Variants in SPOPL observed in about 807,000 individuals in gnomAD.
SPOPL encodes the protein speckle type BTB/POZ protein like, also known as speckle-type POZ protein-like.
SPOPL carries 23 observed loss-of-function variants against 53.8 expected under a neutral mutation model. The ratio of observed to expected loss-of-function variants is 0.43; its 90% CI spans 0.31 to 0.61. The LOEUF (loss-of-function observed/expected upper bound fraction) is 0.61. Among genes scored for constraint, SPOPL ranks in the 20% least tolerant of loss-of-function variants. The pLI is 0.12. For synonymous variants in SPOPL, 164 were observed against 149.7 expected (o/e 1.10, Z -0.70); for missense variants, 442 against 466.9 (o/e 0.95, Z 0.49).
Position 138,551,615 on chromosome 2 carries a change from G to A in SPOPL, c.352+561G>A, listed in dbSNP as rs186930828. 5.7e-4 allele frequency among the ~76,000 whole-genome samples: 87 copies of A among 152,092 alleles called. 1 individual carries two copies. Among genetic ancestry groups the A allele is most frequent in the Admixed American group, 4.1e-3 (62 of 15,268 alleles). On this transcript the variant is annotated intron_variant, in intron 4 of 10. Transcript: ENST00000280098. Reference sequence around the variant, plus strand: ...TAGAAGAGTGATGTAGGAAATGTACGTTGTGTGTGGCAGGAGAATAATATT... The same window carrying A: ...TAGAAGAGTGATGTAGGAAATGTACATTGTGTGTGGCAGGAGAATAATATT...
At chr2:138,536,555 A>G (rs1684940855) in intron 1 of SPOPL, among the ~76,000 whole-genome samples, 1 of 152,192 alleles carries the variant, frequency 6.6e-6, no homozygotes. Context: ...CTGCAGACTC[A>G]TCAACTTTGG....
chr2:138,517,818 G>C (rs564457529), intron 1 of SPOPL, among the ~76,000 whole-genome samples: 1 of 151,684 alleles, frequency 6.6e-6, no homozygotes, highest in African/African-American at 2.4e-5. Flanking sequence ...AGGCCGAGGC[G>C]GGCGGATCAC....
intron 10 of SPOPL, among the ~76,000 whole-genome samples, chr2:138,567,123 A>G (rs1480781826): frequency 6.6e-6 from 1 of 152,150 alleles, no homozygotes; most frequent in Non-Finnish European, 1.5e-5. Flanking sequence ...CCCTGCCTTC[A>G]CGGAGTTTAT....
At chr2:138,540,143 CTGT>C (rs1356608410) in intron 1 of SPOPL, among the ~76,000 whole-genome samples, 5 of 152,184 alleles carry the variant, frequency 3.3e-5, no homozygotes, top group Admixed American at 3.3e-4. Context: ...GTTTTGGTTA[CTGT>C]AGCCTTGTAA....
intron 1 of SPOPL, among the ~76,000 whole-genome samples, chr2:138,507,573 C>T (rs148772775): frequency 2.0e-5 from 3 of 152,066 alleles, no homozygotes; most frequent in Non-Finnish European, 2.9e-5. Flanking sequence ...GTGGAGAAGA[C>T]GAGTTAAACA....
chr2:138,551,116 G>A, intron 4 of SPOPL, 62 bp downstream of exon 4: 1 of 1,566,782 alleles, frequency 6.4e-7, no homozygotes, highest in Non-Finnish European at 8.7e-7. Context: ...GACTTCTTCT[G>A]CACCTTTACC....
chr2:138,532,420 CTTTTT>C (rs769229731), intron 1 of SPOPL, among the ~76,000 whole-genome samples: 82 of 53,246 alleles, frequency 1.5e-3, no homozygotes, highest in African/African-American at 5.4e-3. Context: ...TTTTTGTTCG[CTTTTT>C]TTTTTTTTTT....
intron 7 of SPOPL, among the ~76,000 whole-genome samples, chr2:138,559,653 T>C (rs1489909879): frequency 6.6e-6 from 1 of 152,202 alleles, no homozygotes; most frequent in Non-Finnish European, 1.5e-5. Flanking sequence ...TCAAGGTATA[T>C]ATTCTCCCTT....
At chr2:138,527,880 A>G (rs756406704) in intron 1 of SPOPL, among the ~76,000 whole-genome samples, 1 of 152,190 alleles carries the variant, frequency 6.6e-6, no homozygotes, top group Admixed American at 6.5e-5. Context: ...ACAAGTGGGC[A>G]AGGTGTCTCA....
intron 1 of SPOPL, among the ~76,000 whole-genome samples, chr2:138,546,737 T>C (rs1281897296): frequency 6.6e-6 from 1 of 152,218 alleles, no homozygotes; most frequent in Non-Finnish European, 1.5e-5. Context: ...TACTTTAAAG[T>C]AAGCTTTCTA....
At chr2:138,566,784 A>G (rs1685668523) in intron 10 of SPOPL, among the ~76,000 whole-genome samples, 1 of 152,242 alleles carries the variant, frequency 6.6e-6, no homozygotes, top group Non-Finnish European at 1.5e-5. Context: ...AAAGTTATCT[A>G]ATAGAGATAG....
chr2:138,506,217 T>C (rs1006516635), intron 1 of SPOPL, among the ~76,000 whole-genome samples: 1 of 152,238 alleles, frequency 6.6e-6, no homozygotes, highest in Admixed American at 6.5e-5. Flanking sequence ...CTCAAACTTG[T>C]CTGTGTTGAA....
intron 1 of SPOPL, among the ~76,000 whole-genome samples, chr2:138,531,480 T>C (rs1266745525): frequency 6.6e-6 from 1 of 152,204 alleles, no homozygotes; most frequent in Non-Finnish European, 1.5e-5. Flanking sequence ...CGTTGGCCAG[T>C]TTTGGAAAAT....
rs1182043548 is a variant in SPOPL at position 138,501,800 on chromosome 2, G to C, written c.-380G>C. The C allele has an allele frequency of 6.4e-6, 1 of 155,232 alleles. No individual in the cohort carries two copies. The highest frequency in any genetic ancestry group is 1.4e-5 in the Non-Finnish European group (1 of 70,358). The allele number at this position is 155,232 out of a possible 1,614,324, so 9.6% of individuals were successfully genotyped here. On this transcript the variant is annotated 5_prime_UTR_variant, in exon 1 of 11. Coordinates refer to ENST00000280098, the MANE Select transcript of SPOPL (RefSeq NM_001001664.3). ...CCCTCGCGGGCTGGAGCCGGGGCTG[G>C]AGTCGTAACTCGGAAGCCGGAGCCC...
At chr2:138,517,646 A>G (rs1405114746) in intron 1 of SPOPL, among the ~76,000 whole-genome samples, 3 of 151,910 alleles carry the variant, frequency 2.0e-5, no homozygotes, top group Admixed American at 2.0e-4. Flanking sequence ...AGGCTGAGGC[A>G]GGAGAATGGC....
chr2:138,537,333 C>T (rs548012479), intron 1 of SPOPL, among the ~76,000 whole-genome samples: 2 of 151,986 alleles, frequency 1.3e-5, no homozygotes, highest in South Asian at 2.1e-4. Flanking sequence ...GGGTCATGAT[C>T]GATTGAGCAA....
intron 7 of SPOPL, among the ~76,000 whole-genome samples, 200 bp from the exon 8 acceptor site, chr2:138,560,605 T>C (rs1209308912): frequency 6.6e-6 from 1 of 152,098 alleles, no homozygotes; most frequent in African/African-American, 2.4e-5. Context: ...CTTGTCCACT[T>C]CACTTTGCCG....
intron 1 of SPOPL, among the ~76,000 whole-genome samples, chr2:138,514,722 C>A (rs1057009942): frequency 6.6e-6 from 1 of 152,094 alleles, no homozygotes; most frequent in East Asian, 1.9e-4. Context: ...GGGTAATGTA[C>A]CTTGTAATAT....
In SPOPL at chr2:138,567,365, G is replaced by A. The variant is rs78101055; in HGVS notation, c.1035-1571G>A. On this transcript the variant is annotated intron_variant, in intron 10 of 10. Coordinates refer to ENST00000280098, the MANE Select transcript of SPOPL (RefSeq NM_001001664.3). ...CGCAAAGTTTTAACAATGAGAAAGA[G>A]CAGTATAGTGTGTGTGTGTGTGTGT... 4.0e-3 allele frequency among the ~76,000 whole-genome samples: 581 copies of A among 146,538 alleles called. 3 individuals carry two copies. The highest frequency in any genetic ancestry group is 0.014 in the African/African-American group (537 of 39,420).
Sources: allele counts gnomAD v4.1 joint callset (sites outside exome capture counted in the v4.1 genomes callset), GRCh38; gene constraint gnomAD v4.1.1; transcripts MANE v1.5; gene names NCBI Gene and HGNC (gene_info 2026-07-23, HGNC 2026-07-21).